MGAT4C: variants seen among roughly 807,000 people sequenced by gnomAD.
The protein encoded by MGAT4C is alpha-1,3-mannosyl-glycoprotein 4-beta-N-acetylglucosaminyltransferase C.
Under a neutral mutation model 40.1 loss-of-function variants are expected in MGAT4C, and 19 were observed. That is an observed-to-expected ratio of 0.47 (90% CI 0.33 to 0.70). MGAT4C has a LOEUF of 0.70. Ranked by LOEUF, MGAT4C falls within the 30% of genes least tolerant of loss-of-function variation. The pLI is 0.02. For missense variants in MGAT4C, 491 were observed against 563.2 expected, an observed-to-expected ratio of 0.87 and a Z score of 1.30; for synonymous variants, 181 against 187.1, an observed-to-expected ratio of 0.97 and a Z score of 0.27.
chr12:85,956,334 G>A lies in MGAT4C; in HGVS notation c.*22955C>T, dbSNP rs931841875. 2 of 152,108 alleles carry A rather than the reference G, an allele frequency of 1.3e-5. 1 individual carries two copies. Among genetic ancestry groups the A allele is most frequent in the Non-Finnish European group, 2.9e-5 (2 of 67,984 alleles). 9.4% of individuals were successfully genotyped at this position (152,108 alleles called of 1,614,324 possible). Reference sequence around the variant, plus strand: ...GTTGATTTATTTATTACTTGGTTTTGTTGAAAAAACTAGGTGACTCATTTA... The same window carrying A: ...GTTGATTTATTTATTACTTGGTTTTATTGAAAAAACTAGGTGACTCATTTA... On this transcript the variant is annotated 3_prime_UTR_variant, in exon 5 of 5. Coordinates refer to ENST00000611864, the MANE Select transcript of MGAT4C (RefSeq NM_001351288.2).
At chr12:86,155,135 G>C (rs1198033904) in intron 1 of MGAT4C, among the ~76,000 whole-genome samples, 1 of 152,158 alleles carries the variant, frequency 6.6e-6, no homozygotes, top group Non-Finnish European at 1.5e-5. Context: ...CTATTTTTCA[G>C]GTAGGGAAGA....
At chr12:86,023,303 G>T (rs1383972958) in intron 2 of MGAT4C, among the ~76,000 whole-genome samples, 1 of 151,718 alleles carries the variant, frequency 6.6e-6, no homozygotes, top group East Asian at 1.9e-4. Context: ...ATAAAGTATT[G>T]ATTTATTTTT....
chr12:86,807,610 G>T (rs967674729), intron 1 of MGAT4C, among the ~76,000 whole-genome samples: 1 of 152,072 alleles, frequency 6.6e-6, no homozygotes, highest in East Asian at 1.9e-4. Context: ...CTTTGTAAAA[G>T]AATGATTTAT....
At chr12:86,639,787 T>C (rs184949166) in intron 2 of MGAT4C, among the ~76,000 whole-genome samples, 18 of 151,830 alleles carry the variant, frequency 1.2e-4, no homozygotes, top group Non-Finnish European at 3.0e-5. Context: ...TTCAATGATT[T>C]AACTTTAGTT....
At chr12:86,223,140 C>T (rs1401656139) in intron 1 of MGAT4C, among the ~76,000 whole-genome samples, 2 of 152,188 alleles carry the variant, frequency 1.3e-5, no homozygotes, top group African/African-American at 2.4e-5. Context: ...GCTGCTGTGG[C>T]TGGGCCAAAA....
chr12:86,414,043 TG>T (rs1347278240), intron 3 of MGAT4C, among the ~76,000 whole-genome samples: 9 of 151,876 alleles, frequency 5.9e-5, no homozygotes, highest in African/African-American at 2.2e-4. Context: ...AGGAAGAAAT[TG>T]CTCCAGAAAA....
At chr12:86,213,228 A>G (rs1950551215) in intron 1 of MGAT4C, among the ~76,000 whole-genome samples, 1 of 136,454 alleles carries the variant, frequency 7.3e-6, no homozygotes, top group African/African-American at 2.6e-5. Context: ...AAATTGACAG[A>G]TCAATTTGGG....
chr12:86,696,955 CTCTG>C (rs1034460443), intron 2 of MGAT4C, among the ~76,000 whole-genome samples: 42 of 141,072 alleles, frequency 3.0e-4, no homozygotes, highest in African/African-American at 1.1e-3. Context: ...AGTGCTCTCC[CTCTG>C]TCTTTCTCTC....
At chr12:86,729,384 A>G (rs1327948215) in intron 1 of MGAT4C, among the ~76,000 whole-genome samples, 2 of 152,112 alleles carry the variant, frequency 1.3e-5, no homozygotes, top group East Asian at 1.9e-4. Flanking sequence ...AATTTTTAAA[A>G]AAAGGAAATA....
intron 2 of MGAT4C, among the ~76,000 whole-genome samples, chr12:86,612,739 C>CA (rs767088175): frequency 0.019 from 1,084 of 58,030 alleles, 21 homozygotes; most frequent in African/African-American, 0.037. Context: ...GACTCTGTCT[C>CA]AAAAAAAAAA....
chr12:86,166,005 C>A (rs1251976126), intron 1 of MGAT4C, among the ~76,000 whole-genome samples: 2 of 152,090 alleles, frequency 1.3e-5, no homozygotes, highest in African/African-American at 2.4e-5. Flanking sequence ...GTGTCTAAAT[C>A]ACGCTCTTAA....
intron 2 of MGAT4C, among the ~76,000 whole-genome samples, chr12:86,464,151 T>C (rs545347832): frequency 7.8e-4 from 119 of 152,274 alleles, no homozygotes; most frequent in African/African-American, 2.6e-3. Context: ...TTACATTATT[T>C]TTTTCCTTGA....
intron 2 of MGAT4C, among the ~76,000 whole-genome samples, chr12:86,563,739 C>T (rs1301137869): frequency 3.3e-5 from 5 of 152,164 alleles, no homozygotes; most frequent in Non-Finnish European, 1.5e-5. Context: ...TTATTGACTC[C>T]AGGGGACCCA....
rs76150777 is a variant in MGAT4C at position 86,514,239 on chromosome 12, A to G, written c.-228-78974T>C. ...GTAGCCATACAGGACAAAAAATACA[A>G]AGTTAACAGAATTAGTTCAGTAAAG... On this transcript the variant is annotated intron_variant, in intron 2 of 7. Coordinates refer to the MGAT4C transcript ENST00000548651. 3.3e-3 allele frequency among the ~76,000 whole-genome samples: 510 copies of G among 152,270 alleles called. 1 individual carries two copies. Among genetic ancestry groups the G allele is most frequent in the African/African-American group, 0.012 (493 of 41,558 alleles).
chr12:86,191,632 AACACACACACACACACACAC>A (rs61626246), intron 1 of MGAT4C, among the ~76,000 whole-genome samples: 12 of 121,914 alleles, frequency 9.8e-5, no homozygotes, highest in Admixed American at 1.6e-4. Flanking sequence ...CAAAAAACAA[AACACACACACACACACACAC>A]ACACACACAC....
intron 2 of MGAT4C, among the ~76,000 whole-genome samples, chr12:86,438,475 G>T (rs1409525144): frequency 6.6e-6 from 1 of 151,936 alleles, no homozygotes; most frequent in Non-Finnish European, 1.5e-5. Flanking sequence ...TAAGACAACT[G>T]ATGAAAGTGG....
At chr12:86,061,674 C>T (rs538404564) in intron 1 of MGAT4C, among the ~76,000 whole-genome samples, 10 of 152,016 alleles carry the variant, frequency 6.6e-5, no homozygotes, top group African/African-American at 9.7e-5. Context: ...CTGGGATGCT[C>T]GAGCTTGGTG....
intron 1 of MGAT4C, among the ~76,000 whole-genome samples, chr12:86,058,417 T>C (rs1781041917): frequency 1.3e-5 from 2 of 152,124 alleles, no homozygotes; most frequent in African/African-American, 4.8e-5. Flanking sequence ...ATTATGCTAA[T>C]AGTAAAAAAT....
intron 2 of MGAT4C, among the ~76,000 whole-genome samples, chr12:86,660,388 C>A (rs1318219287): frequency 1.3e-5 from 2 of 152,030 alleles, no homozygotes; most frequent in African/African-American, 4.8e-5. Context: ...CAAAAAGATT[C>A]AAAGAGATTT....
Sources: allele counts gnomAD v4.1 joint callset (sites outside exome capture counted in the v4.1 genomes callset), GRCh38; gene constraint gnomAD v4.1.1; transcripts MANE v1.5; gene names NCBI Gene and HGNC (gene_info 2026-07-23, HGNC 2026-07-21).